Variants in KATNA1 observed in about 807,000 individuals in gnomAD.
KATNA1 encodes the protein katanin p60 ATPase-containing subunit A1.
A neutral mutation model predicts 62.6 loss-of-function variants in KATNA1; 42 were observed. The ratio of observed to expected loss-of-function variants is 0.67; its 90% CI spans 0.52 to 0.87. KATNA1 has a LOEUF of 0.87. Among genes scored for constraint, KATNA1 ranks in the 40% least tolerant of loss-of-function variants. The pLI, the probability that KATNA1 is intolerant of heterozygous loss-of-function variation, is 0.00. For synonymous variants in KATNA1, 186 were observed against 201.9 expected (o/e 0.92, Z 0.67); for missense variants, 498 against 612.5 (o/e 0.81, Z 1.97).
In KATNA1 at chr6:149,613,517, C is replaced by G. The variant is rs73781282; in HGVS notation, c.502-8735G>C. Among the ~76,000 whole-genome samples, 588 of 152,156 alleles carry G rather than the reference C, an allele frequency of 3.9e-3. 4 individuals are homozygous for G. The highest frequency in any genetic ancestry group is 0.013 in the African/African-American group (560 of 41,506). ...TGAACAATTCTAGCATAGTATTAAG[C>G]TGACAAGATAGAAGATAAACATATA... is the stretch of plus-strand genomic sequence containing the variant. On this transcript the variant is annotated intron_variant, in intron 4 of 10. Coordinates refer to ENST00000367411, the MANE Select transcript of KATNA1 (RefSeq NM_007044.4).
At chr6:149,640,756 C>T (rs897180650) in intron 1 of KATNA1, among the ~76,000 whole-genome samples, 5 of 152,088 alleles carry the variant, frequency 3.3e-5, no homozygotes, top group Non-Finnish European at 5.9e-5. Flanking sequence ...ACCATGTTGG[C>T]CAGGTTGGTC....
chr6:149,604,805 G>A, intron 4 of KATNA1, 23 bp from the exon 5 acceptor site: 1 of 1,603,208 alleles, frequency 6.2e-7, no homozygotes, highest in Admixed American at 1.8e-5. Flanking sequence ...AAAAAAACAA[G>A]CGCTTTTGAT....
chr6:149,595,441 A>G (rs781208532), intron 10 of KATNA1, among the ~76,000 whole-genome samples: 2 of 152,222 alleles, frequency 1.3e-5, no homozygotes, highest in Non-Finnish European at 2.9e-5. Flanking sequence ...ATGAAAAAGG[A>G]TGCTAATTTA....
At chr6:149,601,376 C>T (rs1315272085) in intron 7 of KATNA1, among the ~76,000 whole-genome samples, 1 of 151,874 alleles carries the variant, frequency 6.6e-6, no homozygotes, top group Non-Finnish European at 1.5e-5. Flanking sequence ...GAGCATGCCC[C>T]AAAACTGGTA....
chr6:149,647,785 G>A (rs752592286), intron 1 of KATNA1, among the ~76,000 whole-genome samples: 1 of 152,174 alleles, frequency 6.6e-6, no homozygotes, highest in Admixed American at 6.5e-5. Context: ...GAGCATCACT[G>A]TGCTGTTGGA....
At chr6:149,622,156 G>A (rs1359179723) in intron 4 of KATNA1, among the ~76,000 whole-genome samples, 5 of 150,244 alleles carry the variant, frequency 3.3e-5, no homozygotes, top group Admixed American at 6.6e-5. Context: ...TCCTCAAGAC[G>A]GAGTCTCGCT....
intron 3 of KATNA1, among the ~76,000 whole-genome samples, chr6:149,626,188 A>AT (rs1429792306): frequency 7.3e-5 from 11 of 151,570 alleles, no homozygotes; most frequent in Non-Finnish European, 1.6e-4. Flanking sequence ...AATGAAAAAT[A>AT]TTTTGAAAAT....
chr6:149,624,917 T>TG (rs1389329360), intron 3 of KATNA1, among the ~76,000 whole-genome samples: 1 of 150,396 alleles, frequency 6.6e-6, no homozygotes, highest in East Asian at 2.0e-4. Context: ...AATGGCCTCA[T>TG]GAAGACAGAA....
At position 149,626,234 on chromosome 6, in the gene KATNA1, C is replaced by CT. The variant is rs368044755; in HGVS notation, c.321-2952dup. Among the ~76,000 whole-genome samples the CT allele has an allele frequency of 3.5e-3, 519 of 147,416 alleles. 1 individual carries two copies. The highest frequency in any genetic ancestry group is 5.5e-3 in the Non-Finnish European group (367 of 67,266). The stretch of plus-strand genomic sequence containing the variant: ...GAGTCGGTACTGAACATGTACAAAC[C>CT]TTTTTTTGTCATTACTCTCTATATA... On this transcript the variant is annotated intron_variant, in intron 3 of 10. Transcript: ENST00000367411.
At position 149,638,437 on chromosome 6, in the gene KATNA1, G is replaced by C; in HGVS notation, c.111C>G (p.Asn37Lys). ...TATCTTTGACTGAGTACAGATACTT[G>C]TTCATTTGGTCAAGAACTCCCTGAT... ...VYYQGVLDQM[N>K]KYLYSVKDTY... The change falls in exon 2 of 11, where the codon AAC (asparagine) becomes AAG (lysine). Residue 37 changes from asparagine (N) to lysine (K), a missense_variant. Transcript: ENST00000367411. 6.2e-7 allele frequency: 1 copy of C among 1,613,868 alleles called. No individual in the cohort carries two copies. Among genetic ancestry groups the C allele is most frequent in the South Asian group, 1.1e-5 (1 of 91,080 alleles).
intron 4 of KATNA1, 56 bp downstream of exon 4, chr6:149,623,047 C>T (rs559804512): frequency 1.5e-6 from 2 of 1,301,636 alleles, no homozygotes; most frequent in Non-Finnish European, 2.1e-6. Context: ...TTTGTACAGT[C>T]TTCATTTTTA....
In KATNA1 at chr6:149,604,779, T is replaced by G; in HGVS notation, c.505A>C (p.Lys169Gln). ...GGTTCTGTTACTGCAGCAGGTGATT[T>G]GTTCTACATGAAGAGAAAAAAACAA... Reference protein sequence around the residue: ...EQNKGREEKNKSPAAVTEPET... With the variant: ...EQNKGREEKNQSPAAVTEPET... The change falls in exon 5 of 11, where the codon AAA becomes CAA. Residue 169 changes from lysine (K) to glutamine (Q), a missense_variant. Lys to Gln is a moderately conservative substitution (Grantham distance 53). This residue lies in a region of KATNA1 where 203 missense variants were observed against 198.4 expected (regional missense o/e 1.02). Coordinates refer to ENST00000367411, the MANE Select transcript of KATNA1 (RefSeq NM_007044.4). The G allele has an allele frequency of 1.9e-6, 3 of 1,612,084 alleles. No homozygotes were observed. The highest frequency in any genetic ancestry group is 2.5e-6 in the Non-Finnish European group (3 of 1,179,546).
chr6:149,629,834 T>C (rs1159385397), intron 3 of KATNA1, among the ~76,000 whole-genome samples: 2 of 152,202 alleles, frequency 1.3e-5, no homozygotes, highest in Non-Finnish European at 2.9e-5. Flanking sequence ...TGACATGGTA[T>C]ATAAATCATA....
At chr6:149,603,453 C>A (rs112256695) in intron 5 of KATNA1, 80 bp from the exon 6 acceptor site, 1 of 648,474 alleles carries the variant, frequency 1.5e-6, no homozygotes, top group Non-Finnish European at 2.7e-6. Flanking sequence ...ACTGGAAGCA[C>A]ATGATGTTGC....
chr6:149,597,731 G>T, intron 8 of KATNA1, 90 bp from the exon 9 acceptor site: 1 of 1,231,852 alleles, frequency 8.1e-7, no homozygotes, highest in Non-Finnish European at 1.2e-6. Flanking sequence ...CAACTATTTA[G>T]TACAACAATA....
intron 6 of KATNA1, 83 bp downstream of exon 6, chr6:149,603,185 T>G (rs1244561789): frequency 1.6e-6 from 1 of 611,272 alleles, no homozygotes. Flanking sequence ...TCCCTCCACT[T>G]TTCCCAATAT....
In KATNA1 at chr6:149,632,935, A is replaced by G. The variant is rs1305714945; in HGVS notation, c.163-19T>C. 1.9e-6 allele frequency: 3 copies of G among 1,582,806 alleles called. No homozygotes were observed. The highest frequency in any genetic ancestry group is 1.9e-5 in the Admixed American group (1 of 52,532). ...GCCAAACCTGATTTCAAAGAAGAAG[A>G]TGGATGTTTAAATTTCTATAATATA... On this transcript the variant is annotated intron_variant, in intron 2 of 10. Transcript: ENST00000367411.
At chr6:149,621,792 CAAA>C (rs879364336) in intron 4 of KATNA1, among the ~76,000 whole-genome samples, 1 of 136,184 alleles carries the variant, frequency 7.3e-6, no homozygotes, top group Non-Finnish European at 1.6e-5. Flanking sequence ...CATGCCCGGC[CAAA>C]AAAAAAAAAT....
At chr6:149,639,616 A>G (rs560668329) in intron 1 of KATNA1, among the ~76,000 whole-genome samples, 238 of 151,144 alleles carry the variant, frequency 1.6e-3, no homozygotes, top group African/African-American at 5.7e-3. Context: ...AAAAAATAAA[A>G]TAAAATAAAT....
Sources: gnomAD v4.1 joint callset for allele counts (sites outside exome capture counted in the v4.1 genomes callset) on GRCh38, gnomAD v4.1.1 for gene constraint, gnomAD v4.1.1 regional missense constraint, MANE v1.5 for transcripts, NCBI Gene and HGNC (gene_info 2026-07-23, HGNC 2026-07-21) for gene names.